Variants in SLIT2 observed in about 807,000 individuals in gnomAD.
The protein encoded by SLIT2 is slit guidance ligand 2.
Under a neutral mutation model 185.7 loss-of-function variants are expected in SLIT2, and 41 were observed. The observed-to-expected ratio is 0.22, with a 90% CI of 0.17 to 0.29. The LOEUF is 0.29. Ranked by LOEUF, SLIT2 falls within the 10% of genes least tolerant of loss-of-function variation. SLIT2 has a pLI of 1.00. For missense variants in SLIT2, 1,571 were observed against 1,909.0 expected (o/e 0.82, Z 3.30); for synonymous variants, 693 against 680.2 (o/e 1.02, Z -0.29).
chr4:20,386,668 C>T (rs1348096143), intron 4 of SLIT2, among the ~76,000 whole-genome samples: 1 of 152,188 alleles, frequency 6.6e-6, no homozygotes, highest in African/African-American at 2.4e-5. Flanking sequence ...ACAGTCCAGT[C>T]TCTCCTTAGC....
chr4:20,297,054 C>T (rs576430783), intron 4 of SLIT2, among the ~76,000 whole-genome samples: 5 of 152,130 alleles, frequency 3.3e-5, no homozygotes, highest in African/African-American at 1.2e-4. Context: ...CATTTTTTCC[C>T]GTTTTGAACC....
chr4:20,603,896 C>T (rs1728593071), intron 33 of SLIT2, among the ~76,000 whole-genome samples: 1 of 152,178 alleles, frequency 6.6e-6, no homozygotes, highest in African/African-American at 2.4e-5. Flanking sequence ...TTCTTGTTTT[C>T]AAGATGTTTA....
chr4:20,399,765 C>T (rs1387562000), intron 4 of SLIT2, among the ~76,000 whole-genome samples: 1 of 151,636 alleles, frequency 6.6e-6, no homozygotes, highest in Non-Finnish European at 1.5e-5. Context: ...GGGTGTCTCT[C>T]CTAGAACTTT....
intron 29 of SLIT2, among the ~76,000 whole-genome samples, chr4:20,585,425 C>A (rs889898911): frequency 2.4e-4 from 36 of 152,308 alleles, no homozygotes; most frequent in African/African-American, 8.7e-4. Flanking sequence ...CTGTGTTCCA[C>A]ACTATTGGGA....
At chr4:20,563,652 T>TCAGGGAGAC (rs528833217) in intron 26 of SLIT2, among the ~76,000 whole-genome samples, 1 of 151,894 alleles carries the variant, frequency 6.6e-6, no homozygotes, top group East Asian at 1.9e-4. Context: ...TAGAAGGCTC[T>TCAGGGAGAC]CAGGGAGACT....
chr4:20,329,811 C>G (rs191985078), intron 4 of SLIT2, among the ~76,000 whole-genome samples: 319 of 152,062 alleles, frequency 2.1e-3, no homozygotes, highest in Middle Eastern at 3.4e-3. Context: ...GAATAATATG[C>G]TAGCATCATA....
At chr4:20,533,205 C>A (rs181770287) in intron 17 of SLIT2, among the ~76,000 whole-genome samples, 8 of 152,328 alleles carry the variant, frequency 5.3e-5, no homozygotes, top group Non-Finnish European at 1.2e-4. Context: ...TAGTTGCCTT[C>A]TTTTAGTCAT....
At chr4:20,538,261 T>C (rs2148872544) in intron 18 of SLIT2, among the ~76,000 whole-genome samples, 1 of 152,156 alleles carries the variant, frequency 6.6e-6, no homozygotes, top group African/African-American at 2.4e-5. Flanking sequence ...GACCTGGCGC[T>C]CAAACTTGTC....
intron 4 of SLIT2, among the ~76,000 whole-genome samples, chr4:20,314,801 C>A (rs142130611): frequency 6.6e-5 from 10 of 151,960 alleles, no homozygotes; most frequent in African/African-American, 1.9e-4. Flanking sequence ...TCAATAAATT[C>A]ATGGAAAGCT....
chr4:20,374,926 C>T (rs775642299), intron 4 of SLIT2, among the ~76,000 whole-genome samples: 45 of 152,044 alleles, frequency 3.0e-4, no homozygotes, highest in Non-Finnish European at 5.7e-4. Context: ...GAGTTGAAAC[C>T]TGTCAACATC....
At chr4:20,472,638 C>T (rs55694035) in intron 5 of SLIT2, among the ~76,000 whole-genome samples, 1 of 34,060 alleles carries the variant, frequency 2.9e-5, no homozygotes, top group African/African-American at 9.8e-5. Flanking sequence ...CTATATATAT[C>T]GATATATATA....
At chr4:20,542,735 C>T (rs1223851162) in intron 21 of SLIT2, 109 bp downstream of exon 21, 4 of 1,168,742 alleles carry the variant, frequency 3.4e-6, no homozygotes, top group Non-Finnish European at 4.9e-6. Flanking sequence ...AAATCATATT[C>T]TAAGGCCAGT....
intron 4 of SLIT2, among the ~76,000 whole-genome samples, chr4:20,408,954 C>T (rs1302087503): frequency 6.6e-6 from 1 of 152,112 alleles, no homozygotes; most frequent in Admixed American, 6.5e-5. Flanking sequence ...CCACCCCCAC[C>T]TCCCATATGC....
intron 9 of SLIT2, among the ~76,000 whole-genome samples, chr4:20,499,936 A>G (rs1268394816): frequency 6.6e-6 from 1 of 152,192 alleles, no homozygotes; most frequent in Non-Finnish European, 1.5e-5. Flanking sequence ...TAATATTTCA[A>G]TCAGCAGAAT....
chr4:20,364,980 A>G (rs1312753854), intron 4 of SLIT2, among the ~76,000 whole-genome samples: 1 of 152,096 alleles, frequency 6.6e-6, no homozygotes, highest in Admixed American at 6.6e-5. Context: ...AAATAAAATC[A>G]TACTCCTTAG....
intron 26 of SLIT2, among the ~76,000 whole-genome samples, chr4:20,566,580 G>C (rs1004471289): frequency 6.6e-6 from 1 of 151,956 alleles, no homozygotes; most frequent in Non-Finnish European, 1.5e-5. Flanking sequence ...AGTAAAGATC[G>C]TTTCAAAGAT....
chr4:20,264,783 CT>C (rs1287279577), intron 3 of SLIT2, among the ~76,000 whole-genome samples: 1 of 151,908 alleles, frequency 6.6e-6, no homozygotes, highest in Non-Finnish European at 1.5e-5. Flanking sequence ...CCTTTCTCAT[CT>C]TTGCCCTGGG....
At chr4:20,381,937 G>GCATAAATACAAAACTGTATTTATTTATA (rs1337240001) in intron 4 of SLIT2, among the ~76,000 whole-genome samples, 13 of 150,650 alleles carry the variant, frequency 8.6e-5, no homozygotes, top group African/African-American at 2.7e-4. Flanking sequence ...ATGTATTTAT[G>GCATAAATACAAAACTGTATTTATTTATA]CATAAATACA....
intron 3 of SLIT2, among the ~76,000 whole-genome samples, chr4:20,268,458 C>G (rs1046526116): frequency 6.6e-6 from 1 of 151,620 alleles, no homozygotes; most frequent in Non-Finnish European, 1.5e-5. Context: ...TTTTAGACAC[C>G]ATTCACTGTG....
Sources: allele counts gnomAD v4.1 joint callset (sites outside exome capture counted in the v4.1 genomes callset), GRCh38; gene constraint gnomAD v4.1.1; transcripts MANE v1.5; gene names NCBI Gene and HGNC (gene_info 2026-07-23, HGNC 2026-07-21).